Variants in SGK2 observed in about 807,000 individuals in gnomAD.
SGK2 encodes the protein serum/glucocorticoid regulated kinase 2.
Under a neutral mutation model 47.5 loss-of-function variants are expected in SGK2, and 36 were observed. The ratio of observed to expected loss-of-function variants is 0.76; its 90% CI spans 0.58 to 1.00. The LOEUF is 1.00. Ranked by LOEUF, SGK2 falls within the 50% of genes least tolerant of loss-of-function variation. The pLI is 0.00. For synonymous variants in SGK2, 157 were observed against 181.9 expected (o/e 0.86, Z 1.10); for missense variants, 404 against 467.4 (o/e 0.86, Z 1.25).
In SGK2 at chr20:43,573,506, A is replaced by AC. The variant is rs1980279514; in HGVS notation, c.597+1369_597+1370insC. Among the ~76,000 whole-genome samples the AC allele has an allele frequency of 8.6e-5, 13 of 151,784 alleles. No individual in the cohort carries two copies. In the South Asian group the frequency reaches 2.7e-3, roughly 32 times the overall value. On this transcript the variant is annotated intron_variant, in intron 9 of 12. Coordinates refer to ENST00000373100, the MANE Select transcript of SGK2 (RefSeq NM_170693.3). ...CTCTGTCTCAAAAAAAAAAAAAAAA[A>AC]AAACTTTATTTGAACTCCCACCAGT...
intron 9 of SGK2, among the ~76,000 whole-genome samples, chr20:43,573,156 A>G (rs1357276795): frequency 6.6e-6 from 1 of 152,226 alleles, no homozygotes; most frequent in Non-Finnish European, 1.5e-5. Flanking sequence ...AGACATGTCT[A>G]TATGTCCTGC....
chr20:43,560,431 G>A (rs1031259211), intron 1 of SGK2, among the ~76,000 whole-genome samples: 19 of 151,572 alleles, frequency 1.3e-4, no homozygotes, highest in African/African-American at 4.6e-4. Flanking sequence ...CCCAGGAGGC[G>A]GAGGTTGCAG....
chr20:43,559,367 T>C (rs1424220623), intron 1 of SGK2, among the ~76,000 whole-genome samples: 1 of 152,170 alleles, frequency 6.6e-6, no homozygotes, highest in Non-Finnish European at 1.5e-5. Flanking sequence ...TCTTCCTCCT[T>C]AACTAACCAA....
chr20:43,563,955 G>A (rs3135416), intron 1 of SGK2, among the ~76,000 whole-genome samples: 76,733 of 152,056 alleles, frequency 0.5, 21,663 homozygotes, highest in South Asian at 0.66. Context: ...CCTGGGCTCA[G>A]TTCCCTCCCT....
chr20:43,570,572 C>T (rs754012866), intron 6 of SGK2, 45 bp from the exon 7 acceptor site: 2 of 1,381,276 alleles, frequency 1.4e-6, no homozygotes, highest in South Asian at 2.6e-5. Flanking sequence ...CCTAGCCCTA[C>T]AGCAGCCACC....
At chr20:43,578,489 CA>C (rs1178322504) in intron 11 of SGK2, among the ~76,000 whole-genome samples, 4 of 146,102 alleles carry the variant, frequency 2.7e-5, no homozygotes, top group Non-Finnish European at 3.0e-5. Context: ...ACTCTATCTC[CA>C]AAAAAAAAAG....
intron 8 of SGK2, 21 bp downstream of exon 8, chr20:43,571,081 G>GTGTT (rs1980094970): frequency 6.2e-7 from 1 of 1,607,468 alleles, no homozygotes; most frequent in Admixed American, 1.7e-5. Flanking sequence ...GTGTGTGTGT[G>GTGTT]TGTGTGTGTG....
Position 43,585,089 on chromosome 20 carries a change from C to T in SGK2, c.*73C>T, listed in dbSNP as rs369711522. 2.2e-5 allele frequency: 30 copies of T among 1,383,256 alleles called. No individual in the cohort carries two copies. Among genetic ancestry groups the T allele is most frequent in the Admixed American group, 1.3e-4 (6 of 46,740 alleles). 85.7% of individuals were successfully genotyped at this position (1,383,256 alleles called of 1,614,324 possible). A position where few individuals can be genotyped will look rare whatever the true frequency, so the allele number is the denominator to read the frequency against. On this transcript the variant is annotated 3_prime_UTR_variant, in exon 13 of 13. Coordinates refer to ENST00000373100, the MANE Select transcript of SGK2 (RefSeq NM_170693.3). ...AATTACCTTCAGCTGCTAGGAAGAG[C>T]GACTCAAACTAACAATGGCTTCAAC... is the stretch of plus-strand genomic sequence containing the variant.
chr20:43,573,981 T>A (rs1321578834), intron 9 of SGK2, among the ~76,000 whole-genome samples: 1 of 152,216 alleles, frequency 6.6e-6, no homozygotes, highest in South Asian at 2.1e-4. Flanking sequence ...AGAGTAGCCA[T>A]GGTTGCTCCC....
chr20:43,576,592 C>T (rs1314579175), intron 11 of SGK2, among the ~76,000 whole-genome samples: 1 of 152,208 alleles, frequency 6.6e-6, no homozygotes, highest in African/African-American at 2.4e-5. Context: ...AACTATGTGC[C>T]AGGTATTGAG....
intron 1 of SGK2, among the ~76,000 whole-genome samples, chr20:43,561,385 GAT>G (rs371572932): frequency 7.5e-6 from 1 of 133,004 alleles, no homozygotes; most frequent in Admixed American, 8.7e-5. Context: ...AGAGGCTTTG[GAT>G]TTTTTTTTTT....
At chr20:43,571,163 G>A in intron 8 of SGK2, 103 bp downstream of exon 8, 3 of 1,528,640 alleles carry the variant, frequency 2.0e-6, no homozygotes, top group African/African-American at 1.4e-5. Context: ...TGCATGCATT[G>A]TACATGTATG....
At chr20:43,566,222 T>A in intron 1 of SGK2, 1 of 973,358 alleles carries the variant, frequency 1.0e-6, no homozygotes, top group South Asian at 1.7e-5. Flanking sequence ...AGAATCAGCC[T>A]GGGAGGGGCC....
At chr20:43,567,853 C>G in intron 4 of SGK2, 63 bp from the exon 5 acceptor site, 2 of 1,567,906 alleles carry the variant, frequency 1.3e-6, no homozygotes, top group Non-Finnish European at 1.8e-6. Context: ...GGCGGGAGGC[C>G]TTGTACTGCT....
At position 43,584,968 on chromosome 20, in the gene SGK2, C is replaced by G; in HGVS notation, c.1056C>G (p.Phe352Leu). The change falls in exon 13 of 13, where the codon TTC (phenylalanine) becomes TTG (leucine). Residue 352 changes from phenylalanine to leucine, a missense_variant. Coordinates refer to ENST00000373100, the MANE Select transcript of SGK2 (RefSeq NM_170693.3). ...GCAGCTCTGGGGCCTCAAGTGCATT[C>G]CTGGGATTTTCTTATGCGCCAGAGG... ...VASSSGASSA[F>L]LGFSYAPEDD... The G allele has an allele frequency of 6.2e-7, 1 of 1,614,102 alleles. No individual in the cohort carries two copies. Among genetic ancestry groups the G allele is most frequent in the Non-Finnish European group, 8.5e-7 (1 of 1,179,990 alleles).
chr20:43,577,754 A>G (rs1355542662), intron 11 of SGK2, among the ~76,000 whole-genome samples: 2 of 133,466 alleles, frequency 1.5e-5, no homozygotes, highest in South Asian at 4.9e-4. Context: ...AGCAATTCTA[A>G]TGCCTCAGCC....
At chr20:43,567,221 CTG>C (rs956654169) in intron 3 of SGK2, 104 bp downstream of exon 3, 6 of 986,774 alleles carry the variant, frequency 6.1e-6, no homozygotes, top group African/African-American at 3.2e-5. Context: ...GCATTCAAGA[CTG>C]TCTGCCATCT....
intron 1 of SGK2, among the ~76,000 whole-genome samples, chr20:43,563,005 G>A (rs1041961709): frequency 4.0e-5 from 6 of 151,862 alleles, no homozygotes; most frequent in Non-Finnish European, 5.9e-5. Context: ...GTATGGTGGC[G>A]GGCACCTGTA....
intron 5 of SGK2, among the ~76,000 whole-genome samples, chr20:43,568,753 G>A (rs1979901391): frequency 6.6e-6 from 1 of 152,224 alleles, no homozygotes; most frequent in South Asian, 2.1e-4. Context: ...TTACAGGCAT[G>A]AGCTACCACA....
Sources: allele counts gnomAD v4.1 joint callset (sites outside exome capture counted in the v4.1 genomes callset), GRCh38; gene constraint gnomAD v4.1.1; transcripts MANE v1.5; gene names NCBI Gene and HGNC (gene_info 2026-07-23, HGNC 2026-07-21).